Variants in C6orf62 observed in about 807,000 individuals in gnomAD.
The protein encoded by C6orf62 is chromosome 6 open reading frame 62.
Under a neutral mutation model 26.8 loss-of-function variants are expected in C6orf62, and 16 were observed. The ratio of observed to expected loss-of-function variants is 0.60; its 90% confidence interval spans 0.40 to 0.91. The LOEUF is 0.91. C6orf62 is among the 40% of genes least tolerant of loss of function. The pLI is 0.00. For missense variants in C6orf62, 192 were observed against 271.4 expected (o/e 0.71, Z 2.06); for synonymous variants, 112 against 91.5 (o/e 1.22, Z -1.28).
intron 4 of C6orf62, among the ~76,000 whole-genome samples, chr6:24,708,167 T>TAG (rs1257088425): frequency 6.6e-6 from 1 of 151,608 alleles, no homozygotes; most frequent in Non-Finnish European, 1.5e-5. Context: ...ACACATCTGG[T>TAG]AGACACGCTT....
At chr6:24,719,489 C>G (rs1779308785), upstream of C6orf62, 2 of 1,111,764 alleles carry the variant, frequency 1.8e-6, no homozygotes, top group Non-Finnish European at 2.2e-6. Flanking sequence ...GAGTCATTAC[C>G]AACTTCCCCA....
rs1779001551 is a variant in C6orf62 at position 24,706,075 on chromosome 6, G to T, written c.*62C>A. The T allele has an allele frequency of 1.3e-6, 2 of 1,590,702 alleles. No homozygotes were observed. On this transcript the variant is annotated 3_prime_UTR_variant, in exon 5 of 5. Transcript: ENST00000378119. ...AAACTCTGAAAGAATAAAGTGGTAA[G>T]AAAACAAGAAAAAAAACTGCTGCTG...
chr6:24,720,013 G>GGGGGCGC, upstream of C6orf62: 10 of 1,479,398 alleles, frequency 6.8e-6, no homozygotes, highest in Non-Finnish European at 8.1e-6. Context: ...TCTAAAGTAA[G>GGGGGCGC]CCCACCCACC....
At chr6:24,716,631 C>A (rs1233860149) in intron 1 of C6orf62, among the ~76,000 whole-genome samples, 1 of 152,130 alleles carries the variant, frequency 6.6e-6, no homozygotes, top group Non-Finnish European at 1.5e-5. Context: ...TAAAACAACG[C>A]TATTCAGACA....
intron 1 of C6orf62, among the ~76,000 whole-genome samples, chr6:24,717,075 A>C (rs796119159): frequency 1.6e-4 from 24 of 152,336 alleles, no homozygotes; most frequent in African/African-American, 5.8e-4. Context: ...TTCTCTTTTA[A>C]TACTACTCAA....
chr6:24,712,163 T>C (rs1366355358), intron 3 of C6orf62, among the ~76,000 whole-genome samples: 1 of 152,012 alleles, frequency 6.6e-6, no homozygotes, highest in Admixed American at 6.6e-5. Flanking sequence ...GCCAGGCAGA[T>C]CACTTGAGGT....
In C6orf62 at chr6:24,706,150, T is replaced by A. The variant is rs781324865; in HGVS notation, c.677A>T (p.Tyr226Phe). 2 of 1,614,190 alleles carry A rather than the reference T, an allele frequency of 1.2e-6. No individual in the cohort carries two copies. Among genetic ancestry groups the A allele is most frequent in the Non-Finnish European group, 1.7e-6 (2 of 1,180,028 alleles). Residue 226 changes from tyrosine (Y) to phenylalanine (F), a missense_variant, in exon 5 of 5, where the codon TAT becomes TTT. Coordinates refer to ENST00000378119, the MANE Select transcript of C6orf62 (RefSeq NM_030939.5). ...CTGGTCAGTACTCTACTCTGGCATATAAGGACGGAGGTGATCCTCTATGGT... is the reference window on the plus strand; with the variant it reads ...CTGGTCAGTACTCTACTCTGGCATAAAAGGACGGAGGTGATCCTCTATGGT... The part of the protein sequence containing the change: ...VGTIEDHLRP[Y>F]MPE
intron 3 of C6orf62, chr6:24,710,446 TAG>T (rs1251646962): frequency 5.0e-6 from 2 of 398,064 alleles, no homozygotes; most frequent in Non-Finnish European, 6.8e-6. Flanking sequence ...GTGTTTTTAG[TAG>T]AGATAGGACT....
intron 4 of C6orf62, among the ~76,000 whole-genome samples, chr6:24,708,304 T>G (rs1779053060): frequency 6.6e-6 from 1 of 151,592 alleles, no homozygotes; most frequent in African/African-American, 2.4e-5. Flanking sequence ...CAGCAAAATT[T>G]GGGAACCATT....
chr6:24,719,739 G>A (rs1779315709), upstream of C6orf62: 1 of 1,534,932 alleles, frequency 6.5e-7, no homozygotes. Flanking sequence ...CTTCTTGTGA[G>A]CATTGCCGAG....
chr6:24,715,834 G>C (rs994512295), intron 2 of C6orf62, among the ~76,000 whole-genome samples: 3 of 114,324 alleles, frequency 2.6e-5, no homozygotes, highest in African/African-American at 1.1e-4. Context: ...CAGCGAAAGA[G>C]CAAGACTTTG....
At chr6:24,708,271 G>T (rs77700310) in intron 4 of C6orf62, among the ~76,000 whole-genome samples, 1 of 139,956 alleles carries the variant, frequency 7.1e-6, no homozygotes, top group South Asian at 2.4e-4. Flanking sequence ...AAAAAAAAAG[G>T]CTTGCCAGGT....
chr6:24,718,392 A>T, intron 1 of C6orf62, 148 bp downstream of exon 1: 1 of 721,112 alleles, frequency 1.4e-6, no homozygotes, highest in Non-Finnish European at 2.2e-6. Context: ...TCACAGAATC[A>T]CCCCTAAGGG....
At position 24,706,268 on chromosome 6, in the gene C6orf62, AG is replaced by A; in HGVS notation, c.565-7del. ...GTAGCTTTGTTTTTTGGAGTCTGGA[AG>A]GGGAAAACATTTTAATATTTTTTAA... On this transcript the variant is annotated splice_region_variant and splice_polypyrimidine_tract_variant and intron_variant, in intron 4 of 4. Coordinates refer to ENST00000378119, the MANE Select transcript of C6orf62 (RefSeq NM_030939.5). The A allele has an allele frequency of 6.2e-7, 1 of 1,613,728 alleles. No individual in the cohort carries two copies. Among genetic ancestry groups the A allele is most frequent in the Non-Finnish European group, 8.5e-7 (1 of 1,179,872 alleles).
chr6:24,720,431 G>C, upstream of C6orf62: 2 of 1,117,144 alleles, frequency 1.8e-6, no homozygotes, highest in Non-Finnish European at 2.2e-6. Context: ...GCCCCCACCT[G>C]GGACCCATAG....
chr6:24,720,012 A>AGGGGGGGGGG, upstream of C6orf62: 40 of 1,463,066 alleles, frequency 2.7e-5, no homozygotes, highest in Middle Eastern at 2.3e-4. Flanking sequence ...TTCTAAAGTA[A>AGGGGGGGGGG]GCCCACCCAC....
At chr6:24,719,584 C>A, upstream of C6orf62, 1 of 1,356,770 alleles carries the variant, frequency 7.4e-7, no homozygotes, top group Non-Finnish European at 9.5e-7. Flanking sequence ...GTATATAATA[C>A]GGTATTAATT....
At chr6:24,710,246 T>C in intron 3 of C6orf62, 1 of 984,814 alleles carries the variant, frequency 1.0e-6, no homozygotes, top group Non-Finnish European at 1.2e-6. Context: ...GAATAAGATG[T>C]GGTTATCTGT....
upstream of C6orf62, chr6:24,720,013 G>GGGGGGCCCCCCCC: frequency 1.4e-6 from 2 of 1,479,398 alleles, no homozygotes; most frequent in Middle Eastern, 2.3e-4. Context: ...TCTAAAGTAA[G>GGGGGGCCCCCCCC]CCCACCCACC....
Sources: allele counts gnomAD v4.1 joint callset (sites outside exome capture counted in the v4.1 genomes callset), GRCh38; gene constraint gnomAD v4.1.1; transcripts MANE v1.5; gene names NCBI Gene and HGNC (gene_info 2026-07-23, HGNC 2026-07-21).